Variants in METTL25 observed in about 807,000 individuals in gnomAD.
METTL25 encodes methyltransferase like 25, also known as probable methyltransferase-like protein 25.
METTL25 carries 64 observed loss-of-function variants against 71.6 expected under a neutral mutation model. The ratio of observed to expected loss-of-function variants is 0.89; its 90% CI spans 0.73 to 1.10. The LOEUF is 1.10. Ranked by LOEUF, METTL25 falls within the 50% of genes least tolerant of loss-of-function variation. The pLI is 0.00. For synonymous variants in METTL25, 287 were observed against 250.3 expected (o/e 1.15, Z -1.38); for missense variants, 807 against 707.0 (o/e 1.14, Z -1.60).
chr12:82,398,124 T>G (rs966409018), intron 3 of METTL25, among the ~76,000 whole-genome samples: 6 of 151,958 alleles, frequency 3.9e-5, no homozygotes, highest in Admixed American at 6.6e-5. Context: ...AATTTTTTAG[T>G]TTTTTATGCA....
intron 9 of METTL25, among the ~76,000 whole-genome samples, chr12:82,471,602 A>C (rs1158312943): frequency 6.6e-6 from 1 of 152,212 alleles, no homozygotes; most frequent in Non-Finnish European, 1.5e-5. Flanking sequence ...ATTAGGGCAC[A>C]TTGTTCTTTA....
intron 5 of METTL25, among the ~76,000 whole-genome samples, chr12:82,421,362 TGAGA>T (rs1283279425): frequency 6.6e-6 from 1 of 151,630 alleles, no homozygotes; most frequent in Non-Finnish European, 1.5e-5. Context: ...ACAAACTGAA[TGAGA>T]AAGTGTCAGA....
At chr12:82,370,730 T>C (rs1292347591) in intron 1 of METTL25, among the ~76,000 whole-genome samples, 1 of 152,016 alleles carries the variant, frequency 6.6e-6, no homozygotes, top group African/African-American at 2.4e-5. Context: ...GACTCCTTCT[T>C]TGTCTCTCTC....
intron 7 of METTL25, among the ~76,000 whole-genome samples, chr12:82,435,160 G>A (rs1377466700): frequency 2.0e-5 from 3 of 151,328 alleles, no homozygotes; most frequent in African/African-American, 7.3e-5. Flanking sequence ...GGCCAAATGG[G>A]TTTGCACTTA....
chr12:82,475,893 C>A (rs1399977602), intron 9 of METTL25, among the ~76,000 whole-genome samples: 1 of 152,068 alleles, frequency 6.6e-6, no homozygotes, highest in Non-Finnish European at 1.5e-5. Context: ...AATCCAAAAT[C>A]TGAAATGCTC....
chr12:82,476,568 T>C (rs941780088), intron 9 of METTL25, 76 bp from the exon 10 acceptor site: 21 of 935,582 alleles, frequency 2.2e-5, no homozygotes, highest in Non-Finnish European at 3.6e-5. Context: ...CATGTTTATT[T>C]TACTTTAGGA....
At position 82,421,062 on chromosome 12, in the gene METTL25, A is replaced by T. The variant is rs148484677; in HGVS notation, c.1280-9831A>T. On this transcript the variant is annotated intron_variant, in intron 5 of 11. Coordinates refer to ENST00000248306, the MANE Select transcript of METTL25 (RefSeq NM_032230.3). Reference sequence around the variant, plus strand: ...TTTTTAGTACAGACGGGGTTTCGCCATGTTGGCCAGGCTGGTCTTGAACTC... The same window carrying T: ...TTTTTAGTACAGACGGGGTTTCGCCTTGTTGGCCAGGCTGGTCTTGAACTC... Among the ~76,000 whole-genome samples, 551 of 152,230 alleles carry T rather than the reference A, an allele frequency of 3.6e-3. 1 individual carries two copies. The highest frequency in any genetic ancestry group is 0.013 in the African/African-American group (528 of 41,552).
chr12:82,411,847 A>T (rs1054031361), intron 5 of METTL25, among the ~76,000 whole-genome samples: 1 of 152,108 alleles, frequency 6.6e-6, no homozygotes, highest in Non-Finnish European at 1.5e-5. Flanking sequence ...ATAAATTACA[A>T]TTCCACGCTT....
intron 1 of METTL25, among the ~76,000 whole-genome samples, chr12:82,361,305 T>TA (rs1221365446): frequency 1.3e-5 from 2 of 152,108 alleles, no homozygotes; most frequent in African/African-American, 4.8e-5. Context: ...TAGCTAGACA[T>TA]AAAGTTTATC....
intron 1 of METTL25, among the ~76,000 whole-genome samples, chr12:82,382,906 TGC>T (rs1465149438): frequency 6.6e-6 from 1 of 151,958 alleles, no homozygotes; most frequent in African/African-American, 2.4e-5. Context: ...AATGAGGTCT[TGC>T]TATGTTGCCC....
chr12:82,477,169 C>T, intron 10 of METTL25, 112 bp from the exon 11 acceptor site: 1 of 514,320 alleles, frequency 1.9e-6, no homozygotes, highest in Non-Finnish European at 3.5e-6. Context: ...TTTGGAGATT[C>T]AGCCTATATA....
Position 82,462,732 on chromosome 12 carries a change from G to A in METTL25, c.1572+5912G>A, listed in dbSNP as rs568956356. 1.7e-4 allele frequency among the ~76,000 whole-genome samples: 26 copies of A among 152,110 alleles called. 1 individual carries two copies. In the South Asian group the frequency reaches 4.4e-3, roughly 26 times the overall value. ...CACTGAAAAACACATGAATACAGTC[G>A]TTCCTTGCTATCCTCAGGGGATTGG... is the stretch of plus-strand genomic sequence containing the variant. On this transcript the variant is annotated intron_variant, in intron 9 of 11. Coordinates refer to ENST00000248306, the MANE Select transcript of METTL25 (RefSeq NM_032230.3).
chr12:82,422,710 A>C (rs1439052845), intron 5 of METTL25, among the ~76,000 whole-genome samples: 2 of 152,218 alleles, frequency 1.3e-5, no homozygotes, highest in African/African-American at 4.8e-5. Context: ...TCAGGATACA[A>C]AATCAATATG....
chr12:82,386,488 T>TTCATCCCTCCCA (rs1555204654), intron 1 of METTL25, among the ~76,000 whole-genome samples: 1 of 131,192 alleles, frequency 7.6e-6, no homozygotes, highest in African/African-American at 2.9e-5. Context: ...CCTCCTTTCC[T>TTCATCCCTCCCA]TCCTCCCTCC....
intron 9 of METTL25, among the ~76,000 whole-genome samples, chr12:82,473,867 C>T (rs1328893607): frequency 1.3e-5 from 2 of 152,190 alleles, no homozygotes; most frequent in Non-Finnish European, 1.5e-5. Flanking sequence ...ACCCAGGCCC[C>T]ATGCAGCTTA....
intron 5 of METTL25, among the ~76,000 whole-genome samples, chr12:82,412,099 G>T: frequency 6.6e-6 from 1 of 151,986 alleles, no homozygotes; most frequent in East Asian, 1.9e-4. Flanking sequence ...TTTTGAGTCA[G>T]ACTCACATTA....
chr12:82,390,035 C>A, intron 3 of METTL25, 113 bp downstream of exon 3: 1 of 643,560 alleles, frequency 1.6e-6, no homozygotes, highest in Non-Finnish European at 2.8e-6. Flanking sequence ...TAAATAATAG[C>A]ATCATTTAAA....
At position 82,389,928 on chromosome 12, in the gene METTL25, AG is replaced by A. The variant is rs1592633675; in HGVS notation, c.531+7del. The A allele has an allele frequency of 1.4e-6, 2 of 1,461,250 alleles. No individual in the cohort carries two copies. The highest frequency in any genetic ancestry group is 4.6e-5 in the East Asian group (2 of 43,438). 90.5% of individuals were successfully genotyped at this position (1,461,250 alleles called of 1,614,324 possible). ...ACTACTATGGAATAAAGCAGGTAAG[AG>A]TATTTCCGTATGTTTTTAGGTGTTA... On this transcript the variant is annotated splice_region_variant and intron_variant, in intron 3 of 11. Transcript: ENST00000248306.
rs548130391 is a variant in METTL25, at chr12:82,465,071, C to T, written c.1572+8251C>T. On this transcript the variant is annotated intron_variant, in intron 9 of 11. Coordinates refer to ENST00000248306, the MANE Select transcript of METTL25 (RefSeq NM_032230.3). Reference sequence around the variant, plus strand: ...GAAAGAGGGATAATTTTACCTTCTCCTTTCCAATTTGGATGTCCTTTATTT... The same window carrying T: ...GAAAGAGGGATAATTTTACCTTCTCTTTTCCAATTTGGATGTCCTTTATTT... 2.6e-5 allele frequency among the ~76,000 whole-genome samples: 4 copies of T among 151,850 alleles called. No homozygotes were observed. The East Asian group carries it at 7.7e-4, about 29-fold the overall frequency.
Sources: allele counts gnomAD v4.1 joint callset (sites outside exome capture counted in the v4.1 genomes callset), GRCh38; gene constraint gnomAD v4.1.1; transcripts MANE v1.5; gene names NCBI Gene and HGNC (gene_info 2026-07-23, HGNC 2026-07-21).